TTC28: variants seen among roughly 807,000 people sequenced by gnomAD.
TTC28 encodes the protein tetratricopeptide repeat protein 28.
A neutral mutation model predicts 198.0 loss-of-function variants in TTC28; 61 were observed. That is an observed-to-expected ratio of 0.31 (90% CI 0.25 to 0.38). TTC28 has a LOEUF of 0.38. Ranked by LOEUF, TTC28 falls within the 10% of genes least tolerant of loss-of-function variation. The pLI is 1.00. For missense variants in TTC28, 2,678 were observed against 3,164.0 expected, an observed-to-expected ratio of 0.85 and a Z score of 3.69; for synonymous variants, 1,171 against 1,297.8, an observed-to-expected ratio of 0.90 and a Z score of 2.10.
intron 12 of TTC28, among the ~76,000 whole-genome samples, chr22:28,049,204 C>A (rs1043828026): frequency 3.9e-5 from 6 of 152,132 alleles, no homozygotes; most frequent in Non-Finnish European, 5.9e-5. Flanking sequence ...GACCTCATCG[C>A]CTGCACCTGG....
At chr22:27,996,820 G>T (rs554837360) in intron 16 of TTC28, among the ~76,000 whole-genome samples, 20 of 152,194 alleles carry the variant, frequency 1.3e-4, no homozygotes, top group Non-Finnish European at 2.8e-4. Flanking sequence ...GGACCAACCT[G>T]CCCCCAGATC....
At chr22:28,528,327 T>G (rs1353717718) in intron 2 of TTC28, among the ~76,000 whole-genome samples, 1 of 152,178 alleles carries the variant, frequency 6.6e-6, no homozygotes, top group Non-Finnish European at 1.5e-5. Flanking sequence ...ACAATACTGT[T>G]GCAAAGTTCT....
chr22:28,454,338 T>C (rs2047827048), intron 2 of TTC28, among the ~76,000 whole-genome samples: 2 of 152,214 alleles, frequency 1.3e-5, no homozygotes, highest in African/African-American at 4.8e-5. Flanking sequence ...TCATTAAATA[T>C]TTACTAAACA....
At chr22:28,617,315 C>T (rs527374538) in intron 2 of TTC28, among the ~76,000 whole-genome samples, 1 of 141,858 alleles carries the variant, frequency 7.0e-6, no homozygotes, top group Non-Finnish European at 1.5e-5. Context: ...ATGGGTAACA[C>T]AGGGAGAACT....
At chr22:28,265,216 A>C (rs950218539) in intron 5 of TTC28, among the ~76,000 whole-genome samples, 2 of 152,184 alleles carry the variant, frequency 1.3e-5, no homozygotes, top group Admixed American at 1.3e-4. Context: ...TATAAGACTG[A>C]TGTACTGCTC....
intron 2 of TTC28, among the ~76,000 whole-genome samples, chr22:28,377,647 T>C (rs2046432302): frequency 6.6e-6 from 1 of 152,140 alleles, no homozygotes; most frequent in South Asian, 2.1e-4. Flanking sequence ...AAAATTAACG[T>C]AGACCAAAGG....
chr22:28,320,957 G>A (rs1300963607), intron 2 of TTC28, among the ~76,000 whole-genome samples: 2 of 152,174 alleles, frequency 1.3e-5, no homozygotes, highest in East Asian at 1.9e-4. Flanking sequence ...AACACATTGT[G>A]ACATGAAGAA....
chr22:28,283,752 T>C (rs1001425444), intron 5 of TTC28, among the ~76,000 whole-genome samples: 1 of 152,170 alleles, frequency 6.6e-6, no homozygotes, highest in Non-Finnish European at 1.5e-5. Flanking sequence ...GGTCTCACCA[T>C]GTTGCTCAGA....
intron 2 of TTC28, among the ~76,000 whole-genome samples, chr22:28,535,688 T>C (rs576862462): frequency 6.6e-6 from 1 of 152,146 alleles, no homozygotes; most frequent in African/African-American, 2.4e-5. Flanking sequence ...GGGGATGGAC[T>C]TCCCCCTTGC....
chr22:28,188,556 C>T (rs567843661), intron 5 of TTC28, among the ~76,000 whole-genome samples: 21 of 152,228 alleles, frequency 1.4e-4, no homozygotes, highest in South Asian at 4.2e-4. Context: ...TGGCAAAAGA[C>T]GGGGGCCAAG....
At chr22:28,676,301 A>G (rs1601687164) in intron 1 of TTC28, among the ~76,000 whole-genome samples, 1 of 152,232 alleles carries the variant, frequency 6.6e-6, no homozygotes, top group African/African-American at 2.4e-5. Context: ...AAACCTCCAG[A>G]AGAGCTAAAC....
chr22:28,147,340 T>C (rs980787142), intron 6 of TTC28, among the ~76,000 whole-genome samples: 3 of 152,198 alleles, frequency 2.0e-5, no homozygotes, highest in African/African-American at 7.2e-5. Context: ...TGGCAGTGTA[T>C]GAGCAGCCAC....
intron 2 of TTC28, among the ~76,000 whole-genome samples, chr22:28,567,471 CATACATACATATATATATAT>C (rs1398479043): frequency 5.2e-4 from 14 of 27,102 alleles, no homozygotes; most frequent in African/African-American, 1.3e-3. Flanking sequence ...CACGCATATA[CATACATACATATATATATAT>C]ATATATATAT....
intron 1 of TTC28, among the ~76,000 whole-genome samples, chr22:28,663,657 A>G (rs192314689): frequency 1.8e-4 from 24 of 135,254 alleles, no homozygotes; most frequent in African/African-American, 1.1e-4. Flanking sequence ...CGCCCACGGA[A>G]TCTCGCTGAT....
intron 2 of TTC28, among the ~76,000 whole-genome samples, chr22:28,471,740 C>T (rs1341487303): frequency 6.6e-6 from 1 of 152,086 alleles, no homozygotes; most frequent in Non-Finnish European, 1.5e-5. Flanking sequence ...ATCCACTGAA[C>T]CTTAGAAGCA....
chr22:27,985,197 G>C, intron 22 of TTC28, 52 bp downstream of exon 22: 1 of 1,367,594 alleles, frequency 7.3e-7, no homozygotes, highest in Non-Finnish European at 1.0e-6. Context: ...TCGGCCCCCA[G>C]GGAGAGCATG....
At chr22:28,180,195 T>C (rs1923567068) in intron 5 of TTC28, among the ~76,000 whole-genome samples, 1 of 152,198 alleles carries the variant, frequency 6.6e-6, no homozygotes, top group East Asian at 1.9e-4. Context: ...AGTGTATTGC[T>C]GCCTGAAAAT....
Position 28,051,096 on chromosome 22 carries a change from C to T in TTC28, c.3933-20730G>A, listed in dbSNP as rs142507782. 1.2e-3 allele frequency among the ~76,000 whole-genome samples: 179 copies of T among 152,204 alleles called. 1 individual carries two copies. Among genetic ancestry groups the T allele is most frequent in the African/African-American group, 3.9e-3 (163 of 41,542 alleles). On this transcript the variant is annotated intron_variant, in intron 12 of 22. Transcript: ENST00000397906. ...GTGTAACCAAATGCTAGGCAACAAC[C>T]GGGGGTAGGGAAGTTATTTTTCATA...
chr22:28,304,665 C>A (rs2045100127), intron 3 of TTC28, among the ~76,000 whole-genome samples: 1 of 152,194 alleles, frequency 6.6e-6, no homozygotes, highest in Admixed American at 6.5e-5. Flanking sequence ...GATTTCCCTA[C>A]ATTTATCTAA....
Sources: allele counts gnomAD v4.1 joint callset (sites outside exome capture counted in the v4.1 genomes callset), GRCh38; gene constraint gnomAD v4.1.1; transcripts MANE v1.5; gene names NCBI Gene and HGNC (gene_info 2026-07-23, HGNC 2026-07-21).